Variants in LRP1B observed in about 807,000 individuals in gnomAD.
The protein encoded by LRP1B is LDL receptor related protein 1B.
Under a neutral mutation model 556.6 loss-of-function variants are expected in LRP1B, and 217 were observed. The ratio of observed to expected loss-of-function variants is 0.39; its 90% CI spans 0.35 to 0.44. LRP1B has a LOEUF of 0.44. LRP1B is among the 20% of genes least tolerant of loss of function. LRP1B has a pLI of 1.00. For missense variants in LRP1B, 5,053 were observed against 5,620.8 expected (o/e 0.90, Z 3.23); for synonymous variants, 2,047 against 1,865.8 (o/e 1.10, Z -2.50).
In LRP1B at chr2:140,951,943, G is replaced by A. The variant is rs759809596; in HGVS notation, c.2888-3C>T. ...TAGTGGCTCACAAGTTGGGAATTCT[G>A]TGAAAGATATAAAAATGTCCAAAAG... On this transcript the variant is annotated splice_polypyrimidine_tract_variant and splice_region_variant and intron_variant, in intron 18 of 90. Coordinates refer to ENST00000389484, the MANE Select transcript of LRP1B (RefSeq NM_018557.3). 4.4e-6 allele frequency: 7 copies of A among 1,606,946 alleles called. No homozygotes were observed. Among genetic ancestry groups the A allele is most frequent in the Admixed American group, 1.7e-5 (1 of 59,978 alleles).
chr2:140,516,907 G>A lies in LRP1B; in HGVS notation c.8131C>T (p.Arg2711Cys), dbSNP rs995737118. 5.0e-6 allele frequency: 8 copies of A among 1,613,262 alleles called. 1 individual carries two copies. The highest frequency in any genetic ancestry group is 3.3e-5 in the South Asian group (3 of 91,052). ...CDGQKDCEDG[R>C]DEFHCDSSCS... Reference sequence around the variant, plus strand: ...GTCTCACCACAGTGGAATTCATCACGTCCATCCTCACAATCTTTCTGACCA... The same window carrying A: ...GTCTCACCACAGTGGAATTCATCACATCCATCCTCACAATCTTTCTGACCA... The change falls in exon 50 of 91, where the codon CGT becomes TGT. Residue 2711 changes from arginine to cysteine, a missense_variant. Physicochemically the swap from Arg to Cys is radical, Grantham distance 180. Transcript: ENST00000389484.
chr2:141,924,142 A>G (rs1023293840), intron 1 of LRP1B, among the ~76,000 whole-genome samples: 11 of 151,888 alleles, frequency 7.2e-5, no homozygotes, highest in Admixed American at 3.3e-4. Flanking sequence ...TCCCGTACCC[A>G]TATAACCTCG....
intron 3 of LRP1B, among the ~76,000 whole-genome samples, chr2:141,316,492 A>T (rs1687041175): frequency 6.6e-6 from 1 of 152,238 alleles, no homozygotes; most frequent in Admixed American, 6.5e-5. Flanking sequence ...GCATTTAAAA[A>T]TGTAGCACCA....
At chr2:140,915,540 G>C (rs1249547725) in intron 21 of LRP1B, among the ~76,000 whole-genome samples, 1 of 151,782 alleles carries the variant, frequency 6.6e-6, no homozygotes, top group Non-Finnish European at 1.5e-5. Context: ...TATAATCCCA[G>C]CTACTCAGGA....
intron 7 of LRP1B, among the ~76,000 whole-genome samples, chr2:141,085,040 A>AGG (rs1700018922): frequency 6.6e-6 from 1 of 151,808 alleles, no homozygotes; most frequent in Admixed American, 6.6e-5. Flanking sequence ...AAAGTTTTCA[A>AGG]ACCTTAAATT....
intron 41 of LRP1B, among the ~76,000 whole-genome samples, chr2:140,641,440 T>C (rs764515638): frequency 1.3e-5 from 2 of 152,212 alleles, no homozygotes; most frequent in Non-Finnish European, 2.9e-5. Context: ...GGGATAAGCT[T>C]ACTGAAATTA....
chr2:141,949,657 G>A (rs903218121), intron 1 of LRP1B, among the ~76,000 whole-genome samples: 5 of 152,080 alleles, frequency 3.3e-5, no homozygotes. Context: ...CAAAGTGCTG[G>A]GATTATAGGC....
chr2:141,826,054 A>G (rs1396376295), intron 1 of LRP1B, among the ~76,000 whole-genome samples: 1 of 152,140 alleles, frequency 6.6e-6, no homozygotes, highest in Non-Finnish European at 1.5e-5. Context: ...TTACTATGTT[A>G]TATTTAGTTA....
intron 2 of LRP1B, 128 bp from the exon 3 acceptor site, chr2:141,480,661 C>T (rs1682885455): frequency 1.1e-6 from 1 of 920,948 alleles, no homozygotes; most frequent in Non-Finnish European, 1.8e-6. Context: ...GAGTGCTGCT[C>T]TTGTTCTCAG....
At chr2:141,368,573 T>C (rs1240514130) in intron 3 of LRP1B, among the ~76,000 whole-genome samples, 1 of 152,206 alleles carries the variant, frequency 6.6e-6, no homozygotes, top group Non-Finnish European at 1.5e-5. Flanking sequence ...AGGAAGAGAT[T>C]CTAAATGTCA....
chr2:141,666,249 G>A (rs1690428074), intron 2 of LRP1B, among the ~76,000 whole-genome samples: 1 of 152,144 alleles, frequency 6.6e-6, no homozygotes, highest in African/African-American at 2.4e-5. Context: ...CTCATTGTAG[G>A]CAACAATGTT....
chr2:142,038,991 G>A (rs1703976724), intron 1 of LRP1B, among the ~76,000 whole-genome samples: 2 of 151,356 alleles, frequency 1.3e-5, no homozygotes, highest in African/African-American at 2.4e-5. Context: ...TCTTGCTCAT[G>A]TTTTCCTTGC....
chr2:140,943,621 A>C (rs1432584344), intron 20 of LRP1B, among the ~76,000 whole-genome samples: 2 of 152,158 alleles, frequency 1.3e-5, no homozygotes, highest in African/African-American at 4.8e-5. Flanking sequence ...AGGAACTCTC[A>C]AAACCACCCA....
intron 2 of LRP1B, among the ~76,000 whole-genome samples, chr2:141,729,410 C>T (rs533780338): frequency 8.0e-4 from 122 of 152,188 alleles, no homozygotes; most frequent in Non-Finnish European, 1.5e-3. Flanking sequence ...TCTTAGCAGG[C>T]AGACTTTAAA....
chr2:140,614,458 TAAAG>T (rs1683188674), intron 41 of LRP1B, among the ~76,000 whole-genome samples: 1 of 152,110 alleles, frequency 6.6e-6, no homozygotes, highest in Non-Finnish European at 1.5e-5. Flanking sequence ...TCAAGTCACT[TAAAG>T]GAAGAGTTGA....
At chr2:140,876,078 T>C (rs1291293103) in intron 25 of LRP1B, among the ~76,000 whole-genome samples, 3 of 151,146 alleles carry the variant, frequency 2.0e-5, no homozygotes, top group Non-Finnish European at 4.4e-5. Flanking sequence ...ACTTTGGAGG[T>C]TGCGATATCA....
At chr2:141,185,309 A>C (rs1015150997) in intron 7 of LRP1B, among the ~76,000 whole-genome samples, 1 of 152,052 alleles carries the variant, frequency 6.6e-6, no homozygotes, top group African/African-American at 2.4e-5. Context: ...CAAGTTCATA[A>C]CCATTAAAGA....
intron 66 of LRP1B, among the ~76,000 whole-genome samples, chr2:140,430,649 A>G (rs986144177): frequency 5.3e-5 from 8 of 152,178 alleles, no homozygotes; most frequent in African/African-American, 1.9e-4. Flanking sequence ...CACAAGGCAA[A>G]TGGTTCTTAG....
At chr2:141,868,159 A>C (rs4662271) in intron 1 of LRP1B, among the ~76,000 whole-genome samples, 25,563 of 152,058 alleles carry the variant, frequency 0.17, 2,681 homozygotes, top group East Asian at 0.33. Context: ...TTATGACCAG[A>C]CGCAGAAGTT....
Sources: gnomAD v4.1 joint callset for allele counts (sites outside exome capture counted in the v4.1 genomes callset) on GRCh38, gnomAD v4.1.1 for gene constraint, MANE v1.5 for transcripts, NCBI Gene and HGNC (gene_info 2026-07-23, HGNC 2026-07-21) for gene names.